Variants in CHD4 observed in about 807,000 individuals in gnomAD.
The protein encoded by CHD4 is chromodomain helicase DNA binding protein 4.
In CHD4, 35 loss-of-function variants were observed where a neutral mutation model predicts 235.5. That is an observed-to-expected ratio of 0.15 (90% CI 0.11 to 0.20). The LOEUF (loss-of-function observed/expected upper bound fraction) is 0.20, where lower values mean the gene tolerates loss of function less well. Among genes scored for constraint, CHD4 ranks in the 10% least tolerant of loss-of-function variants. The pLI is 1.00. For synonymous variants in CHD4, 900 were observed against 850.2 expected, an observed-to-expected ratio of 1.06 and a Z score of -1.02; for missense variants, 1,329 against 2,432.3, an observed-to-expected ratio of 0.55 and a Z score of 9.54.
rs767535121 is a variant in CHD4 at position 6,582,834 on chromosome 12, C to T, written c.4236+14G>A. 9 of 1,613,810 alleles carry T rather than the reference C, an allele frequency of 5.6e-6. No homozygotes were observed. Among genetic ancestry groups the T allele is most frequent in the Non-Finnish European group, 7.6e-6 (9 of 1,180,032 alleles). On this transcript the variant is annotated intron_variant, in intron 28 of 39. Coordinates refer to ENST00000544040, the MANE Select transcript of CHD4 (RefSeq NM_001273.5). ...TCTGACACTCACCCCTCCTTAGAAT[C>T]GTATGGCACTTACTTCAATATTCCC...
intron 38 of CHD4, 24 bp from the exon 39 acceptor site, chr12:6,571,056 G>A: frequency 6.2e-7 from 1 of 1,610,826 alleles, no homozygotes. Flanking sequence ...AAAAGAGGTG[G>A]TGAGCTGTGG....
chr12:6,585,768 G>A (rs1409260621), intron 25 of CHD4, among the ~76,000 whole-genome samples: 4 of 146,374 alleles, frequency 2.7e-5, no homozygotes, highest in Admixed American at 6.7e-5. Flanking sequence ...CAGCCTGGGC[G>A]GGAAAGCAAG....
chr12:6,578,688 C>G (rs1402259213), intron 34 of CHD4, 142 bp from the exon 35 acceptor site: 1 of 1,410,228 alleles, frequency 7.1e-7, no homozygotes, highest in Non-Finnish European at 9.9e-7. Context: ...GAAAATGGTG[C>G]CATTGGCCCA....
At chr12:6,606,207 C>T (rs895090348) in intron 2 of CHD4, 67 bp downstream of exon 2, 10 of 1,095,062 alleles carry the variant, frequency 9.1e-6, no homozygotes, top group Non-Finnish European at 1.2e-5. Context: ...CCTGCCTCAC[C>T]AGAGGAGTCA....
In CHD4 at chr12:6,591,424, C is replaced by G. The variant is rs1323181245; in HGVS notation, c.3340+42G>C. On this transcript the variant is annotated intron_variant, in intron 22 of 39. Transcript: ENST00000544040. ...AGAAGTTACAGTCCAAAGATATAAGCAAATGAGGATTCCTGAAACTAAACA... is the reference window on the plus strand; with the variant it reads ...AGAAGTTACAGTCCAAAGATATAAGGAAATGAGGATTCCTGAAACTAAACA... 2.0e-6 allele frequency: 3 copies of G among 1,489,194 alleles called. No individual in the cohort carries two copies. In the South Asian group the frequency reaches 3.5e-5, roughly 17 times the overall value. The allele number at this position is 1,489,194 out of a possible 1,614,324, so 92.2% of individuals were successfully genotyped here.
rs1411822447 is a variant in CHD4 at position 6,593,931 on chromosome 12, G to C, written c.2314-315C>G. On this transcript the variant is annotated intron_variant, in intron 15 of 39. Transcript: ENST00000544040. The surrounding 1 kb of genome is among the most constrained non-coding windows in gnomAD (Gnocchi z 4.9). ...GCTCACTGCAACCTCCACCTCCCGG[G>C]TTCAAGCGATTCTCCTGCCTCAGCC... Among the ~76,000 whole-genome samples the C allele has an allele frequency of 1.3e-5, 2 of 152,154 alleles. No homozygotes were observed. Among genetic ancestry groups the C allele is most frequent in the Non-Finnish European group, 2.9e-5 (2 of 68,030 alleles).
At position 6,580,947 on chromosome 12, in the gene CHD4, C is replaced by T. The variant is rs1948174603; in HGVS notation, c.4909+97G>A. 2.2e-6 allele frequency: 3 copies of T among 1,383,858 alleles called. No homozygotes were observed. The Admixed American group carries it at 6.0e-5, about 28-fold the overall frequency. The allele number at this position is 1,383,858 out of a possible 1,614,324, so 85.7% of individuals were successfully genotyped here. The stretch of plus-strand genomic sequence containing the variant: ...GCTCGAACCTGGGAGGTGGAGGTTG[C>T]AGTAAGCCAAGATCGCGCCACAGCA... On this transcript the variant is annotated intron_variant, in intron 33 of 39. Coordinates refer to ENST00000544040, the MANE Select transcript of CHD4 (RefSeq NM_001273.5).
intron 24 of CHD4, 75 bp downstream of exon 24, chr12:6,587,637 T>G: frequency 6.2e-7 from 1 of 1,605,770 alleles, no homozygotes; most frequent in Non-Finnish European, 8.5e-7. Context: ...CACAAGACCC[T>G]TGGTATCAAA....
At chr12:6,583,444 T>TCA in intron 25 of CHD4, 66 bp from the exon 26 acceptor site, 1 of 1,394,286 alleles carries the variant, frequency 7.2e-7, no homozygotes, top group Non-Finnish European at 9.8e-7. Flanking sequence ...CCCCTGGTCC[T>TCA]CACAGTTCCC....
chr12:6,578,182 A>C, intron 35 of CHD4, 45 bp from the exon 36 acceptor site: 1 of 1,510,838 alleles, frequency 6.6e-7, no homozygotes. Flanking sequence ...GGAAGCAAAC[A>C]TCTGTGAGAA....
At chr12:6,580,229 A>AAAAAACAAC (rs1948155211) in intron 33 of CHD4, 1 of 111,122 alleles carries the variant, frequency 9.0e-6, no homozygotes, top group Non-Finnish European at 2.1e-5. Flanking sequence ...TCCATCTCGA[A>AAAAAACAAC]AACAACAACA....
chr12:6,596,023 C>T lies in CHD4; in HGVS notation c.2007G>A (p.Gln669=). ...VEIQDYDLFK[Q]SYWNHRELMR... ...TCACTCACCTGTGATTCCAATAGCT[C>T]TGCTTGAACAGGTCGTAATCCTGGA... The change falls in exon 13 of 40, where the codon CAG becomes CAA. Residue 669 remains glutamine (Q), a synonymous_variant. Transcript: ENST00000544040. 2.5e-6 allele frequency: 4 copies of T among 1,613,324 alleles called. No individual in the cohort carries two copies. The highest frequency in any genetic ancestry group is 3.4e-6 in the Non-Finnish European group (4 of 1,179,706).
intron 17 of CHD4, 25 bp from the exon 18 acceptor site, chr12:6,592,842 G>A (rs1323123933): frequency 1.2e-6 from 2 of 1,600,508 alleles, no homozygotes; most frequent in African/African-American, 2.7e-5. Context: ...GGAGAAAGGT[G>A]AAATCCAATG....
chr12:6,577,711 A>C, intron 37 of CHD4, 74 bp downstream of exon 37: 5 of 1,575,904 alleles, frequency 3.2e-6, no homozygotes, highest in Non-Finnish European at 1.7e-6. Flanking sequence ...GGATGGACAG[A>C]CTCCCTCTGC....
At chr12:6,577,477 A>T (rs921100166) in intron 37 of CHD4, among the ~76,000 whole-genome samples, 3 of 151,618 alleles carry the variant, frequency 2.0e-5, no homozygotes, top group African/African-American at 4.8e-5. Context: ...CTACATCTTC[A>T]GAGATGCAAT....
intron 25 of CHD4, 31 bp downstream of exon 25, chr12:6,587,353 A>C (rs1948318204): frequency 6.3e-7 from 1 of 1,598,280 alleles, no homozygotes; most frequent in Admixed American, 1.7e-5. Context: ...ACCAATTACC[A>C]AGCACAGGAT....
rs561970714 is a variant in CHD4 at position 6,576,347 on chromosome 12, C to T, written c.5361+1438G>A. Among the ~76,000 whole-genome samples, 6 of 152,212 alleles carry T rather than the reference C, an allele frequency of 3.9e-5. No homozygotes were observed. The East Asian group carries it at 1.2e-3, about 29-fold the overall frequency. On this transcript the variant is annotated intron_variant, in intron 37 of 39. Coordinates refer to ENST00000544040, the MANE Select transcript of CHD4 (RefSeq NM_001273.5). ...ACTCCAGCCTGGCAACACATCAAGA[C>T]ACTGTCTCAGGAAAAAACAAAACAA...
intron 7 of CHD4, 24 bp from the exon 8 acceptor site, chr12:6,600,693 G>A (rs201711195): frequency 9.9e-6 from 16 of 1,612,956 alleles, no homozygotes; most frequent in East Asian, 4.5e-5. Context: ...AAAGAATAAG[G>A]TTAGACGTTC....
intron 19 of CHD4, 123 bp downstream of exon 19, chr12:6,592,269 GT>G (rs1948414385): frequency 7.4e-7 from 1 of 1,348,108 alleles, no homozygotes; most frequent in East Asian, 2.3e-5. Flanking sequence ...CTAGCATCAG[GT>G]TTCTTCAGGC....
Sources: allele counts gnomAD v4.1 joint callset (sites outside exome capture counted in the v4.1 genomes callset), GRCh38; gene constraint gnomAD v4.1.1; non-coding constraint Gnocchi (gnomAD v3.1); transcripts MANE v1.5; gene names NCBI Gene and HGNC (gene_info 2026-07-23, HGNC 2026-07-21).